TOM1L2: variants seen among roughly 807,000 people sequenced by gnomAD.
TOM1L2 encodes the protein TOM1-like protein 2.
In TOM1L2, 31 loss-of-function variants were observed where a neutral mutation model predicts 67.9. That is an observed-to-expected ratio of 0.46 (90% confidence interval 0.34 to 0.62). The LOEUF is 0.62. Ranked by LOEUF, TOM1L2 falls within the 20% of genes least tolerant of loss-of-function variation. The pLI, the probability that TOM1L2 is intolerant of heterozygous loss-of-function variation, is 0.01. For synonymous variants in TOM1L2, 256 were observed against 254.0 expected (o/e 1.01, Z -0.07); for missense variants, 606 against 663.5 (o/e 0.91, Z 0.95).
chr17:17,915,763 C>A (rs1045085786), intron 1 of TOM1L2, among the ~76,000 whole-genome samples: 5 of 151,908 alleles, frequency 3.3e-5, no homozygotes, highest in African/African-American at 1.2e-4. Context: ...CTCAAGTGAT[C>A]CTCTTGCCTT....
Position 17,850,383 on chromosome 17 carries a change from T to A in TOM1L2, c.1338+510A>T, listed in dbSNP as rs1175289102. The stretch of plus-strand genomic sequence containing the variant: ...TCTCTGAGGATGGAGACAATGGGTC[T>A]TTGGGGCAGGGGTTCTTTTACATCA... On this transcript the variant is annotated intron_variant, in intron 13 of 14. Coordinates refer to ENST00000379504, the MANE Select transcript of TOM1L2 (RefSeq NM_001082968.2). 2.0e-5 allele frequency among the ~76,000 whole-genome samples: 3 copies of A among 152,154 alleles called. No individual in the cohort carries two copies. The East Asian group carries it at 5.8e-4, about 29-fold the overall frequency.
intron 1 of TOM1L2, among the ~76,000 whole-genome samples, chr17:17,970,266 G>A (rs1301973169): frequency 5.3e-5 from 8 of 151,492 alleles, no homozygotes; most frequent in East Asian, 1.9e-4. Flanking sequence ...GGGTTTCACC[G>A]TGTTAGCCAA....
intron 2 of TOM1L2, among the ~76,000 whole-genome samples, chr17:17,899,993 C>T (rs180817975): frequency 1.7e-3 from 260 of 152,276 alleles, no homozygotes; most frequent in African/African-American, 6.0e-3. Flanking sequence ...AGGTGGATAA[C>T]CTGAGGACAG....
intron 1 of TOM1L2, among the ~76,000 whole-genome samples, chr17:17,914,767 GT>G (rs1230502952): frequency 1.3e-5 from 2 of 152,144 alleles, no homozygotes; most frequent in Non-Finnish European, 2.9e-5. Flanking sequence ...TGGGGGTGGG[GT>G]TGCTTTCTCA....
chr17:17,861,887 C>T (rs958514901), intron 11 of TOM1L2: 8 of 215,010 alleles, frequency 3.7e-5, no homozygotes, highest in Admixed American at 2.3e-4. Flanking sequence ...AGAGGGAAGA[C>T]TAGATAAACA....
chr17:17,923,876 G>A (rs2039981522), intron 1 of TOM1L2, among the ~76,000 whole-genome samples: 4 of 152,074 alleles, frequency 2.6e-5, no homozygotes, highest in South Asian at 4.2e-4. Flanking sequence ...GGTGGCTGTC[G>A]CCTGTAATCT....
At chr17:17,875,762 C>A (rs2037394886) in intron 7 of TOM1L2, among the ~76,000 whole-genome samples, 1 of 152,260 alleles carries the variant, frequency 6.6e-6, no homozygotes, top group Non-Finnish European at 1.5e-5. Flanking sequence ...TGGATTTCCT[C>A]TGAGCCCTCC....
intron 1 of TOM1L2, among the ~76,000 whole-genome samples, chr17:17,910,288 C>T (rs1161956683): frequency 6.6e-6 from 1 of 152,180 alleles, no homozygotes; most frequent in Non-Finnish European, 1.5e-5. Context: ...GGTCACTTGA[C>T]TCCCTTCCCC....
chr17:17,862,706 A>C (rs748982732), intron 11 of TOM1L2, 25 bp downstream of exon 11: 3 of 1,572,328 alleles, frequency 1.9e-6, no homozygotes, highest in Non-Finnish European at 2.6e-6. Flanking sequence ...ATCTTTAGAG[A>C]GCCACTAAAA....
chr17:17,882,561 C>T, intron 6 of TOM1L2, 144 bp downstream of exon 6: 1 of 1,137,430 alleles, frequency 8.8e-7, no homozygotes, highest in Non-Finnish European at 1.2e-6. Flanking sequence ...CAGCATCTCT[C>T]TCCCCTGGGG....
At chr17:17,880,611 A>G (rs1356091602) in intron 6 of TOM1L2, among the ~76,000 whole-genome samples, 1 of 152,210 alleles carries the variant, frequency 6.6e-6, no homozygotes, top group Non-Finnish European at 1.5e-5. Context: ...CAAGAGACCA[A>G]ATAACGCTGG....
intron 1 of TOM1L2, among the ~76,000 whole-genome samples, chr17:17,951,612 C>A (rs1568365664): frequency 6.6e-6 from 1 of 152,028 alleles, no homozygotes. Context: ...GGGTTTTTAG[C>A]AAAAAACCTT....
chr17:17,970,473 G>GC (rs1286311707), intron 1 of TOM1L2, among the ~76,000 whole-genome samples: 1 of 152,128 alleles, frequency 6.6e-6, no homozygotes, highest in African/African-American at 2.4e-5. Flanking sequence ...AACAATTCTC[G>GC]CAAGTTTTCT....
chr17:17,866,173 C>T, intron 10 of TOM1L2, 123 bp downstream of exon 10: 1 of 1,234,006 alleles, frequency 8.1e-7, no homozygotes, highest in East Asian at 2.7e-5. Flanking sequence ...CTCAGGAATA[C>T]ACTTTCACAT....
intron 1 of TOM1L2, among the ~76,000 whole-genome samples, chr17:17,935,615 C>T (rs2040486459): frequency 6.6e-6 from 1 of 152,062 alleles, no homozygotes; most frequent in Non-Finnish European, 1.5e-5. Flanking sequence ...AATCCTGGTC[C>T]CAGGGACCCA....
At chr17:17,956,529 G>T (rs528538687) in intron 1 of TOM1L2, among the ~76,000 whole-genome samples, 1 of 152,216 alleles carries the variant, frequency 6.6e-6, no homozygotes, top group African/African-American at 2.4e-5. Flanking sequence ...CGATGGGACC[G>T]GGCGCAGTGG....
intron 14 of TOM1L2, 58 bp from the exon 15 acceptor site, chr17:17,847,841 C>T (rs907618640): frequency 2.1e-5 from 33 of 1,607,400 alleles, no homozygotes; most frequent in South Asian, 1.4e-4. Context: ...CCAGAGGAAG[C>T]GCACCCTTCC....
At position 17,861,376 on chromosome 17, in the gene TOM1L2, G is replaced by C. The variant is rs1327812961; in HGVS notation, c.1278+100C>G. 3 of 1,195,176 alleles carry C rather than the reference G, an allele frequency of 2.5e-6. No individual in the cohort carries two copies. In the Admixed American group the frequency reaches 5.5e-5, roughly 22 times the overall value. The allele number at this position is 1,195,176 out of a possible 1,614,324, so 74.0% of individuals were successfully genotyped here. ...CTCCCCCAGGGTGTCCCTGCCCCCT[G>C]TGCAAGCCAGTTTCTGCTGAATTAC... is the stretch of plus-strand genomic sequence containing the variant. On this transcript the variant is annotated intron_variant, in intron 12 of 14. Transcript: ENST00000379504.
intron 1 of TOM1L2, among the ~76,000 whole-genome samples, chr17:17,940,299 C>CATATAG (rs1216128427): frequency 6.6e-6 from 1 of 151,060 alleles, no homozygotes; most frequent in Non-Finnish European, 1.5e-5. Context: ...GAGTGGCTGG[C>CATATAG]ATATAGCAAG....
Sources: allele counts gnomAD v4.1 joint callset (sites outside exome capture counted in the v4.1 genomes callset), GRCh38; gene constraint gnomAD v4.1.1; transcripts MANE v1.5; gene names NCBI Gene and HGNC (gene_info 2026-07-23, HGNC 2026-07-21).